Variants in MCF2 observed in about 807,000 individuals in gnomAD.
The protein encoded by MCF2 is MCF.2 cell line derived transforming sequence.
In MCF2, 44 loss-of-function variants were observed where a neutral mutation model predicts 82.5. That is an observed-to-expected ratio of 0.53 (90% CI 0.42 to 0.69). The LOEUF is 0.69. MCF2 is among the 30% of genes least tolerant of loss of function. The probability of loss-of-function intolerance (pLI) is 0.00; values close to 1 mark genes in which losing one functional copy is unlikely to be tolerated. For missense variants in MCF2, 623 were observed against 663.1 expected, an observed-to-expected ratio of 0.94 and a Z score of 0.66; for synonymous variants, 217 against 224.9, an observed-to-expected ratio of 0.96 and a Z score of 0.32.
intron 10 of MCF2, among the ~76,000 whole-genome samples, chrX:139,613,635 A>G (rs1170201327): frequency 9.0e-6 from 1 of 111,610 alleles, no homozygotes; most frequent in Admixed American, 9.5e-5. Flanking sequence ...TCAAGGACAC[A>G]CAGCCAGTAC....
At chrX:139,588,797 G>A (rs1929223471) in intron 20 of MCF2, among the ~76,000 whole-genome samples, 1 of 108,693 alleles carries the variant, frequency 9.2e-6, no homozygotes, top group African/African-American at 3.4e-5. Context: ...AGGTGTGGTG[G>A]CATGTGCCTG....
chrX:139,590,476 AAAT>A, intron 19 of MCF2, among the ~76,000 whole-genome samples: 1 of 110,225 alleles, frequency 9.1e-6, no homozygotes, highest in African/African-American at 3.3e-5. Flanking sequence ...TCTAAAAAAA[AAAT>A]AATAATAATA....
At chrX:139,696,782 T>G (rs1234796415) in intron 1 of MCF2, among the ~76,000 whole-genome samples, 1 of 111,740 alleles carries the variant, frequency 8.9e-6, no homozygotes, top group Non-Finnish European at 1.9e-5. Context: ...AGTAAAAATA[T>G]CCTTACTACC....
intron 20 of MCF2, among the ~76,000 whole-genome samples, chrX:139,588,756 CTACTACTAA>C (rs1242082408): frequency 9.3e-6 from 1 of 107,259 alleles, no homozygotes; most frequent in Non-Finnish European, 1.9e-5. Flanking sequence ...ACTACTACTA[CTACTACTAA>C]TAATAATAAT....
intron 1 of MCF2, among the ~76,000 whole-genome samples, chrX:139,664,082 G>T (rs1166547555): frequency 9.1e-6 from 1 of 110,319 alleles, no homozygotes; most frequent in Non-Finnish European, 1.9e-5. Context: ...TCGGCTCACT[G>T]CAACCTCTGC....
At chrX:139,626,159 GA>G in intron 6 of MCF2, 33 bp downstream of exon 9, 3 of 941,672 alleles carry the variant, frequency 3.2e-6, no homozygotes, top group Non-Finnish European at 3.0e-6. Flanking sequence ...CTGGTGTAAT[GA>G]AAAAAGGTAT....
chrX:139,698,034 G>A (rs1350597358), intron 1 of MCF2, among the ~76,000 whole-genome samples: 1 of 111,336 alleles, frequency 9.0e-6, no homozygotes, highest in African/African-American at 3.3e-5. Flanking sequence ...CAGCTACTCT[G>A]GGGTCTGAAG....
chrX:139,589,738 A>G (rs1929324726), intron 20 of MCF2, 97 bp downstream of exon 24: 1 of 597,329 alleles, frequency 1.7e-6, no homozygotes, highest in African/African-American at 2.3e-5. Context: ...AGGGGTGGAA[A>G]TTTTGAAATG....
At chrX:139,653,566 C>A (rs5954104) in intron 1 of MCF2, among the ~76,000 whole-genome samples, 4,798 of 110,732 alleles carry the variant, frequency 0.043, 253 homozygotes, top group African/African-American at 0.15. Context: ...GCCTCAGGAC[C>A]CAAAATAAAA....
At chrX:139,699,493 T>G (rs1253846041) in intron 1 of MCF2, among the ~76,000 whole-genome samples, 1 of 112,237 alleles carries the variant, frequency 8.9e-6, no homozygotes, top group Non-Finnish European at 1.9e-5. Context: ...ACCCTTTAGC[T>G]GTCACTTCTT....
intron 1 of MCF2, among the ~76,000 whole-genome samples, chrX:139,693,217 A>T (rs1317906355): frequency 5.4e-5 from 6 of 111,021 alleles, no homozygotes; most frequent in South Asian, 3.9e-4. Flanking sequence ...GTTAGCATTT[A>T]AAAAAAATGT....
chrX:139,592,828 G>C (rs184508874), intron 19 of MCF2, among the ~76,000 whole-genome samples: 8 of 111,693 alleles, frequency 7.2e-5, no homozygotes, highest in African/African-American at 2.6e-4. Flanking sequence ...CCCTGGGCAG[G>C]AACCTTGTTG....
Position 139,658,667 on chromosome X carries a change from G to GTTTTTTTTT in MCF2, c.-44-6888_-44-6880dup, listed in dbSNP as rs1182070757. 2.2e-3 allele frequency among the ~76,000 whole-genome samples: 125 copies of GTTTTTTTTT among 56,607 alleles called. 5 individuals carry two copies. The highest frequency in any genetic ancestry group is 9.6e-3 in the African/African-American group (123 of 12,850). The allele number at this position is 56,607 out of a possible 115,157, so 49.2% of individuals were successfully genotyped here. A position where few individuals can be genotyped will look rare whatever the true frequency, so the allele number is the denominator to read the frequency against. ...TGAAGCCTCTGCTAAAAAAAGATGTGTTTTTTTTTTTTTTTTTTTTTTTTT... is the reference window on the plus strand; with the variant it reads ...TGAAGCCTCTGCTAAAAAAAGATGTGTTTTTTTTTTTTTTTTTTTTTTTTTTTTTTTTTT... On this transcript the variant is annotated intron_variant, in intron 1 of 27. Transcript: ENST00000414978.
chrX:139,607,582 A>C, intron 12 of MCF2, 109 bp downstream of exon 16: 1 of 479,117 alleles, frequency 2.1e-6, no homozygotes. Context: ...GACACCCAGT[A>C]AAACCCCATT....
At chrX:139,647,869 A>G (rs1047844736), upstream of MCF2, among the ~76,000 whole-genome samples, 1 of 112,127 alleles carries the variant, frequency 8.9e-6, no homozygotes, top group African/African-American at 3.2e-5. Context: ...CCAGCCTAGC[A>G]CCTACACAGA....
At chrX:139,611,545 AG>A (rs1352681285) in intron 10 of MCF2, among the ~76,000 whole-genome samples, 2 of 112,178 alleles carry the variant, frequency 1.8e-5, no homozygotes, top group African/African-American at 3.2e-5. Context: ...ACAACTTATG[AG>A]AAACACATCT....
At chrX:139,608,031 G>A (rs912262058) in intron 11 of MCF2, among the ~76,000 whole-genome samples, 2 of 111,212 alleles carry the variant, frequency 1.8e-5, no homozygotes, top group African/African-American at 3.3e-5. Flanking sequence ...TGGCATTCTT[G>A]GAAAATAAGG....
exon 6 of MCF2, chrX:139,626,227 A>C: frequency 1.7e-6 from 2 of 1,202,956 alleles, no homozygotes; most frequent in Non-Finnish European, 2.2e-6. Context: ...CCATAGTTGC[A>C]GATACTGCTC....
At chrX:139,701,169 G>C (rs1431971197) in intron 1 of MCF2, among the ~76,000 whole-genome samples, 1 of 111,262 alleles carries the variant, frequency 9.0e-6, no homozygotes, top group Non-Finnish European at 1.9e-5. Context: ...ACCTCCTCTT[G>C]GTCACCCTAA....
Sources: allele counts gnomAD v4.1 joint callset (sites outside exome capture counted in the v4.1 genomes callset), GRCh38; gene constraint gnomAD v4.1.1; transcripts MANE v1.5; gene names NCBI Gene and HGNC (gene_info 2026-07-23, HGNC 2026-07-21).